The following PACRG variants were observed in gnomAD, a reference collection of about 807,000 sequenced individuals.
The protein encoded by PACRG is parkin coregulated, also known as parkin coregulated gene protein.
Under a neutral mutation model 29.7 loss-of-function variants are expected in PACRG, and 29 were observed. That is an observed-to-expected ratio of 0.98 (90% CI 0.73 to 1.33). The LOEUF is 1.33. Ranked by LOEUF, PACRG falls within the 40% of genes most tolerant of loss-of-function variation. PACRG has a pLI of 0.00. For missense variants in PACRG, 279 were observed against 316.2 expected (o/e 0.88, Z 0.89); for synonymous variants, 116 against 118.7 (o/e 0.98, Z 0.15).
chr6:162,975,886 C>T (rs933388166), intron 2 of PACRG, among the ~76,000 whole-genome samples: 10 of 151,800 alleles, frequency 6.6e-5, no homozygotes, highest in African/African-American at 1.2e-4. Context: ...CCTACCATAC[C>T]GAGTACTGCA....
chr6:162,880,297 G>A (rs989139742), intron 2 of PACRG, among the ~76,000 whole-genome samples: 3 of 152,070 alleles, frequency 2.0e-5, no homozygotes, highest in Non-Finnish European at 4.4e-5. Flanking sequence ...GGAATTTGTG[G>A]ATGATGTTGC....
chr6:163,297,584 C>T (rs1272707434), intron 4 of PACRG, among the ~76,000 whole-genome samples: 2 of 152,050 alleles, frequency 1.3e-5, no homozygotes, highest in African/African-American at 4.8e-5. Flanking sequence ...TAGAGGCTCC[C>T]CATACATTAA....
chr6:163,197,319 A>G (rs1780500198), intron 4 of PACRG, among the ~76,000 whole-genome samples: 1 of 152,122 alleles, frequency 6.6e-6, no homozygotes, highest in South Asian at 2.1e-4. Flanking sequence ...CTTTAGCTAT[A>G]AAGGAAGAAA....
chr6:163,250,896 T>C (rs1315965528), intron 4 of PACRG, among the ~76,000 whole-genome samples: 1 of 150,074 alleles, frequency 6.7e-6, no homozygotes, highest in Non-Finnish European at 1.5e-5. Flanking sequence ...TATATATATA[T>C]ATATATATAT....
intron 2 of PACRG, among the ~76,000 whole-genome samples, chr6:162,875,617 G>A (rs1038151012): frequency 6.6e-6 from 1 of 152,192 alleles, no homozygotes; most frequent in Admixed American, 6.5e-5. Flanking sequence ...TTTCACATAG[G>A]TTGTACATTA....
At chr6:163,124,868 A>G (rs2128326643) in intron 4 of PACRG, among the ~76,000 whole-genome samples, 1 of 152,352 alleles carries the variant, frequency 6.6e-6, no homozygotes, top group Non-Finnish European at 1.5e-5. Flanking sequence ...ATAATCCCCT[A>G]TATATAGGCA....
At chr6:163,312,438 C>T (rs893163886) in intron 4 of PACRG, among the ~76,000 whole-genome samples, 3 of 152,136 alleles carry the variant, frequency 2.0e-5, no homozygotes, top group African/African-American at 4.8e-5. Flanking sequence ...TAGCAAATGT[C>T]AACAACGCCT....
intron 2 of PACRG, among the ~76,000 whole-genome samples, chr6:162,897,619 G>A (rs955869849): frequency 6.6e-6 from 1 of 152,130 alleles, no homozygotes; most frequent in Admixed American, 6.5e-5. Flanking sequence ...TTTGATAATC[G>A]CTTCTGGTTG....
intron 1 of PACRG, among the ~76,000 whole-genome samples, chr6:162,774,377 T>C (rs930690262): frequency 8.5e-5 from 13 of 152,238 alleles, no homozygotes; most frequent in African/African-American, 3.1e-4. Flanking sequence ...TGTGTTTCTT[T>C]AATAATGAAG....
At chr6:162,937,973 T>A (rs1028077) in intron 2 of PACRG, among the ~76,000 whole-genome samples, 1 of 151,722 alleles carries the variant, frequency 6.6e-6, no homozygotes, top group Non-Finnish European at 1.5e-5. Context: ...TAGTGGTGAT[T>A]TGTGAGATTT....
chr6:163,173,081 TTGTG>T (rs1302958400), intron 4 of PACRG, among the ~76,000 whole-genome samples: 16 of 152,222 alleles, frequency 1.1e-4, no homozygotes, highest in Admixed American at 2.6e-4. Flanking sequence ...ACAGTCTTAG[TTGTG>T]TAAAAATATG....
chr6:162,954,503 T>C (rs1317965653), intron 2 of PACRG, among the ~76,000 whole-genome samples: 1 of 150,356 alleles, frequency 6.7e-6, no homozygotes, highest in African/African-American at 2.5e-5. Context: ...TATTTAAACA[T>C]TATTTTTTTA....
intron 4 of PACRG, among the ~76,000 whole-genome samples, chr6:163,127,482 A>G (rs1393140190): frequency 6.6e-6 from 1 of 152,128 alleles, no homozygotes; most frequent in East Asian, 1.9e-4. Flanking sequence ...TGTTTTGTCC[A>G]CTGCTTGTCT....
At chr6:163,233,968 A>G (rs1205569467) in intron 4 of PACRG, among the ~76,000 whole-genome samples, 2 of 152,220 alleles carry the variant, frequency 1.3e-5, no homozygotes, top group South Asian at 2.1e-4. Flanking sequence ...GGGGCTCAAT[A>G]AGAAATGCCT....
intron 2 of PACRG, among the ~76,000 whole-genome samples, chr6:162,961,317 G>T (rs1174069527): frequency 6.6e-6 from 1 of 152,212 alleles, no homozygotes; most frequent in Non-Finnish European, 1.5e-5. Context: ...AATCCTGATT[G>T]TCTCACTTGC....
intron 4 of PACRG, among the ~76,000 whole-genome samples, chr6:163,259,127 T>C (rs557544160): frequency 5.8e-4 from 88 of 152,286 alleles, no homozygotes; most frequent in African/African-American, 2.1e-3. Context: ...ATAAGGTCAT[T>C]AAGCAACCAA....
At chr6:162,764,870 A>G (rs1268740765) in intron 1 of PACRG, among the ~76,000 whole-genome samples, 2 of 151,208 alleles carry the variant, frequency 1.3e-5, no homozygotes, top group African/African-American at 2.4e-5. Context: ...CAGCCTCCCT[A>G]GTAGCTGGGA....
intron 4 of PACRG, among the ~76,000 whole-genome samples, chr6:163,120,578 T>C (rs974796743): frequency 2.6e-5 from 4 of 152,186 alleles, no homozygotes; most frequent in African/African-American, 7.2e-5. Context: ...GAGGTAGATA[T>C]TCACTTATTC....
At chr6:163,247,197 A>C (rs1416936668) in intron 4 of PACRG, among the ~76,000 whole-genome samples, 1 of 152,232 alleles carries the variant, frequency 6.6e-6, no homozygotes, top group Non-Finnish European at 1.5e-5. Flanking sequence ...GCTAAGAATT[A>C]AAGGGAGTTT....
Sources: allele counts gnomAD v4.1 joint callset (sites outside exome capture counted in the v4.1 genomes callset), GRCh38; gene constraint gnomAD v4.1.1; transcripts MANE v1.5; gene names NCBI Gene and HGNC (gene_info 2026-07-23, HGNC 2026-07-21).